Variants in ENPP6 observed in about 807,000 individuals in gnomAD.
ENPP6 encodes the protein ectonucleotide pyrophosphatase/phosphodiesterase 6.
In ENPP6, 32 loss-of-function variants were observed where a neutral mutation model predicts 42.0. The observed-to-expected ratio is 0.76, with a 90% CI of 0.58 to 1.02. The LOEUF (loss-of-function observed/expected upper bound fraction) is 1.02, where lower values mean the gene tolerates loss of function less well. Ranked by LOEUF, ENPP6 falls within the 50% of genes least tolerant of loss-of-function variation. The probability of loss-of-function intolerance (pLI) is 0.00; values close to 1 mark genes in which losing one functional copy is unlikely to be tolerated. For missense variants in ENPP6, 552 were observed against 566.8 expected, an observed-to-expected ratio of 0.97 and a Z score of 0.27; for synonymous variants, 213 against 216.0, an observed-to-expected ratio of 0.99 and a Z score of 0.12.
intron 1 of ENPP6, among the ~76,000 whole-genome samples, chr4:184,199,471 C>G (rs578043652): frequency 1.3e-5 from 2 of 152,336 alleles, no homozygotes; most frequent in Non-Finnish European, 2.9e-5. Flanking sequence ...AATGTTTTCT[C>G]AAGTCCACCT....
intron 1 of ENPP6, among the ~76,000 whole-genome samples, chr4:184,211,466 G>T (rs1359917807): frequency 1.3e-5 from 2 of 151,896 alleles, no homozygotes; most frequent in African/African-American, 4.8e-5. Context: ...ACACCTCTAC[G>T]CAAATAAACT....
chr4:184,141,469 A>C (rs1205231536), intron 2 of ENPP6, among the ~76,000 whole-genome samples: 1 of 152,220 alleles, frequency 6.6e-6, no homozygotes, highest in Non-Finnish European at 1.5e-5. Flanking sequence ...GCCTTTCACA[A>C]TTTCAAACAT....
intron 2 of ENPP6, among the ~76,000 whole-genome samples, chr4:184,130,614 G>A (rs1008139783): frequency 3.3e-5 from 5 of 149,668 alleles, no homozygotes; most frequent in African/African-American, 1.2e-4. Context: ...ATTGGTCAGT[G>A]TCTGAACCAC....
intron 6 of ENPP6, among the ~76,000 whole-genome samples, chr4:184,101,255 TTA>T (rs2111332178): frequency 6.6e-6 from 1 of 150,632 alleles, no homozygotes; most frequent in Non-Finnish European, 1.5e-5. Flanking sequence ...GAGTGTGTGT[TTA>T]TGTGTGTCTG....
Position 184,112,737 on chromosome 4 carries a change from A to C in ENPP6, c.928T>G (p.Tyr310Asp), listed in dbSNP as rs756277302. The change falls in exon 6 of 8, where the codon TAC becomes GAC. Residue 310 changes from tyrosine to aspartate, a missense_variant. Tyr to Asp is a radical substitution (Grantham distance 160, BLOSUM62 -3). Around this residue, in one of 2 missense-constraint regions of ENPP6, gnomAD observed 545 missense variants for 546.3 expected, o/e 1.00. Transcript: ENST00000296741. Reference protein sequence around the residue: ...EKEAIPSRFYYKKGKFVSPLT... With the variant: ...EKEAIPSRFYDKKGKFVSPLT... ...GGAGAGACAAACTTTCCTTTCTTGT[A>C]ATAGAACCTGCTTGGGATGGCTTCT... 1.2e-6 allele frequency: 2 copies of C among 1,614,164 alleles called. No individual in the cohort carries two copies. Among genetic ancestry groups the C allele is most frequent in the Non-Finnish European group, 1.7e-6 (2 of 1,180,034 alleles).
At chr4:184,203,089 CAA>C (rs11305855) in intron 1 of ENPP6, among the ~76,000 whole-genome samples, 471 of 146,264 alleles carry the variant, frequency 3.2e-3, no homozygotes, top group African/African-American at 5.9e-3. Flanking sequence ...ACTAAAAATA[CAA>C]AAAAAAAAAA....
intron 1 of ENPP6, among the ~76,000 whole-genome samples, chr4:184,178,909 C>T (rs1201535685): frequency 2.0e-5 from 3 of 152,172 alleles, no homozygotes; most frequent in Non-Finnish European, 4.4e-5. Flanking sequence ...CATTACCAGC[C>T]ACTACAAAAA....
At chr4:184,142,898 G>A (rs768500098) in intron 2 of ENPP6, among the ~76,000 whole-genome samples, 1 of 152,314 alleles carries the variant, frequency 6.6e-6, no homozygotes, top group South Asian at 2.1e-4. Flanking sequence ...CTTCTTCCGA[G>A]TGGGACCAGG....
intron 1 of ENPP6, among the ~76,000 whole-genome samples, chr4:184,182,617 T>C (rs1228371453): frequency 6.6e-6 from 1 of 152,146 alleles, no homozygotes; most frequent in Non-Finnish European, 1.5e-5. Context: ...CAAATGACCA[T>C]GAATGATAGA....
chr4:184,170,072 AC>A (rs1408177578), intron 1 of ENPP6, among the ~76,000 whole-genome samples: 1 of 152,250 alleles, frequency 6.6e-6, no homozygotes, highest in Non-Finnish European at 1.5e-5. Flanking sequence ...ATCATTCAAT[AC>A]CCAGTCCATA....
At position 184,143,252 on chromosome 4, in the gene ENPP6, C is replaced by T. The variant is rs899169735; in HGVS notation, c.421+10302G>A. Among the ~76,000 whole-genome samples, 4 of 152,208 alleles carry T rather than the reference C, an allele frequency of 2.6e-5. No homozygotes were observed. In the East Asian group the frequency reaches 7.7e-4, roughly 29 times the overall value. On this transcript the variant is annotated intron_variant, in intron 2 of 7. Transcript: ENST00000296741. Reference sequence around the variant, plus strand: ...CCCCTGTCTAGGAATTCCTTCCTCACCCCTCCAATTTGAATCTCTGATTCC... The same window carrying T: ...CCCCTGTCTAGGAATTCCTTCCTCATCCCTCCAATTTGAATCTCTGATTCC...
chr4:184,103,902 T>A (rs1442767750), intron 6 of ENPP6, among the ~76,000 whole-genome samples: 1 of 152,084 alleles, frequency 6.6e-6, no homozygotes, highest in Non-Finnish European at 1.5e-5. Flanking sequence ...ATCCTCGAAA[T>A]GGAAAATGCA....
intron 7 of ENPP6, among the ~76,000 whole-genome samples, chr4:184,092,969 T>C (rs914848013): frequency 2.0e-5 from 3 of 152,306 alleles, no homozygotes; most frequent in Admixed American, 6.5e-5. Context: ...GAATTATAAA[T>C]TGGAAAAAAG....
intron 1 of ENPP6, among the ~76,000 whole-genome samples, chr4:184,201,144 GTC>G (rs1732889409): frequency 6.6e-6 from 1 of 152,166 alleles, no homozygotes; most frequent in African/African-American, 2.4e-5. Context: ...TCTGCCCCAG[GTC>G]TCTGCCTGGT....
intron 1 of ENPP6, chr4:184,203,834 T>A (rs1325832766): frequency 1.3e-5 from 2 of 152,208 alleles, no homozygotes; most frequent in Non-Finnish European, 2.9e-5. Flanking sequence ...GTAGGTTTGG[T>A]CATGGAAGTG....
intron 5 of ENPP6, among the ~76,000 whole-genome samples, chr4:184,113,467 T>C (rs1379672129): frequency 6.6e-6 from 1 of 152,242 alleles, no homozygotes; most frequent in African/African-American, 2.4e-5. Flanking sequence ...GGTAATGTCC[T>C]ATTTCTCAGG....
At chr4:184,099,247 C>A (rs919833490) in intron 6 of ENPP6, among the ~76,000 whole-genome samples, 1 of 152,242 alleles carries the variant, frequency 6.6e-6, no homozygotes, top group Non-Finnish European at 1.5e-5. Flanking sequence ...AGTGAGGTGT[C>A]ACCTTGCACT....
chr4:184,155,377 A>G (rs7689119), intron 1 of ENPP6, among the ~76,000 whole-genome samples: 5,562 of 152,322 alleles, frequency 0.037, 278 homozygotes, highest in South Asian at 0.11. Flanking sequence ...AACCATGATC[A>G]TATCTGTAGG....
chr4:184,200,965 G>A (rs1732885570), intron 1 of ENPP6, among the ~76,000 whole-genome samples: 1 of 152,184 alleles, frequency 6.6e-6, no homozygotes, highest in South Asian at 2.1e-4. Context: ...ATTGCTCTCA[G>A]CCCCGACAGC....
Sources: allele counts gnomAD v4.1 joint callset (sites outside exome capture counted in the v4.1 genomes callset), GRCh38; gene constraint gnomAD v4.1.1; regional missense constraint gnomAD v4.1.1; transcripts MANE v1.5; gene names NCBI Gene and HGNC (gene_info 2026-07-23, HGNC 2026-07-21).